TSPEAR: variants seen among roughly 807,000 people sequenced by gnomAD.
TSPEAR encodes the protein thrombospondin-type laminin G domain and EAR repeat-containing protein.
A neutral mutation model predicts 71.6 loss-of-function variants in TSPEAR; 69 were observed. The ratio of observed to expected loss-of-function variants is 0.96; its 90% CI spans 0.79 to 1.18. The LOEUF (loss-of-function observed/expected upper bound fraction) is 1.18, where lower values mean the gene tolerates loss of function less well. Ranked by LOEUF, TSPEAR falls within the 50% of genes most tolerant of loss-of-function variation. TSPEAR has a pLI of 0.00. For missense variants in TSPEAR, 971 were observed against 894.9 expected (o/e 1.09, Z -1.09); for synonymous variants, 402 against 387.2 (o/e 1.04, Z -0.45).
In TSPEAR at chr21:44,558,695, G is replaced by A. The variant is rs201902293; in HGVS notation, c.303+9090C>T. ...AGTCAGAGTAAGCGCTGGAGCAGAC[G>A]GACATGGTAGACGTGGCCATGCTGG... On this transcript the variant is annotated intron_variant, in intron 2 of 11. Coordinates refer to ENST00000323084, the MANE Select transcript of TSPEAR (RefSeq NM_144991.3). 294 of 1,607,416 alleles carry A rather than the reference G, an allele frequency of 1.8e-4. 2 individuals carry two copies. In the East Asian group the frequency reaches 3.5e-3, roughly 19 times the overall value.
intron 1 of TSPEAR, among the ~76,000 whole-genome samples, chr21:44,604,571 C>T (rs1485968256): frequency 6.6e-6 from 1 of 152,126 alleles, no homozygotes; most frequent in Non-Finnish European, 1.5e-5. Flanking sequence ...CTATTCAGTA[C>T]CTTTTATTTC....
intron 1 of TSPEAR, chr21:44,666,289 A>T: frequency 1.0e-6 from 1 of 956,892 alleles, no homozygotes; most frequent in Non-Finnish European, 1.5e-6. Flanking sequence ...CAAGGGCTCC[A>T]GATCATTCTG....
rs782253077 is a variant in TSPEAR at position 44,677,679 on chromosome 21, G to T, written c.82+33754C>A. On this transcript the variant is annotated intron_variant, in intron 1 of 11. Coordinates refer to ENST00000323084, the MANE Select transcript of TSPEAR (RefSeq NM_144991.3). ...TGTATCACCTGCGGTTGCTGAAGCT[G>T]GAGTATCTCCCTTTTGTTTTTGGAG... is the stretch of plus-strand genomic sequence containing the variant. The T allele has an allele frequency of 3.5e-5, 50 of 1,408,642 alleles. No individual in the cohort carries two copies. In the Middle Eastern group the frequency reaches 5.8e-4, roughly 16 times the overall value. 87.3% of individuals were successfully genotyped at this position (1,408,642 alleles called of 1,614,324 possible).
intron 8 of TSPEAR, among the ~76,000 whole-genome samples, chr21:44,524,356 C>CAGTCAGGTAGCT (rs2052803221): frequency 6.6e-6 from 1 of 151,946 alleles, no homozygotes; most frequent in Non-Finnish European, 1.5e-5. Flanking sequence ...ATGAGTTAGC[C>CAGTCAGGTAGCT]AGTCAGGTAG....
At chr21:44,702,130 A>T in intron 1 of TSPEAR, 1 of 1,177,636 alleles carries the variant, frequency 8.5e-7, no homozygotes, top group Non-Finnish European at 1.2e-6. Context: ...CAGCGTCCAC[A>T]TGAGCACAGG....
chr21:44,633,397 C>T (rs1983364980), intron 1 of TSPEAR, among the ~76,000 whole-genome samples: 1 of 152,046 alleles, frequency 6.6e-6, no homozygotes, highest in South Asian at 2.1e-4. Flanking sequence ...AACTGTTTTG[C>T]CGTATCCCAT....
At chr21:44,677,141 T>C (rs1555947009) in intron 1 of TSPEAR, 2 of 714,670 alleles carry the variant, frequency 2.8e-6, no homozygotes, top group African/African-American at 1.7e-5. Flanking sequence ...TCAACTATCA[T>C]GTTGTGAAGT....
intron 10 of TSPEAR, among the ~76,000 whole-genome samples, chr21:44,505,913 A>T (rs1186924530): frequency 1.3e-5 from 2 of 152,158 alleles, no homozygotes; most frequent in African/African-American, 4.8e-5. Context: ...CAATCAGAGA[A>T]AAAGTCTCAG....
chr21:44,628,285 G>A (rs1264561135), intron 1 of TSPEAR: 2 of 391,568 alleles, frequency 5.1e-6, no homozygotes, highest in Non-Finnish European at 9.5e-6. Context: ...CCCTCCGCTG[G>A]TCGCTGGTTG....
chr21:44,666,427 C>T (rs142306123), intron 1 of TSPEAR: 80 of 1,562,746 alleles, frequency 5.1e-5, no homozygotes, highest in Non-Finnish European at 5.9e-5. Context: ...CTGGGAGCAG[C>T]GGGTCTGGAG....
In TSPEAR at chr21:44,558,133, C is replaced by G. The variant is rs587674426; in HGVS notation, c.303+9652G>C. On this transcript the variant is annotated intron_variant, in intron 2 of 11. Coordinates refer to ENST00000323084, the MANE Select transcript of TSPEAR (RefSeq NM_144991.3). ...CACGTGGGGCGGCAGAGGAGGGACA[C>G]GCAGGAGGCCGGGCGGCAGCAGCTG... is the stretch of plus-strand genomic sequence containing the variant. The G allele has an allele frequency of 1.3e-4, 214 of 1,613,020 alleles. No individual in the cohort carries two copies. The South Asian group carries it at 1.9e-3, about 15-fold the overall frequency.
At chr21:44,553,573 C>T (rs1376875795) in intron 2 of TSPEAR, among the ~76,000 whole-genome samples, 1 of 151,598 alleles carries the variant, frequency 6.6e-6, no homozygotes, top group Non-Finnish European at 1.5e-5. Context: ...TTAGCTGAGA[C>T]AAAACCTGAA....
chr21:44,638,110 C>T lies in TSPEAR; in HGVS notation c.83-70105G>A, dbSNP rs782232975. The T allele has an allele frequency of 2.5e-6, 4 of 1,613,382 alleles. No homozygotes were observed. The Admixed American group carries it at 5.0e-5, about 20-fold the overall frequency. On this transcript the variant is annotated intron_variant, in intron 1 of 11. Transcript: ENST00000323084. ...CGGCCTCCTGTGTTTCCCTCCTCTG[C>T]CGCCCCGTGTGCTCCCGCCCTGCCT...
chr21:44,670,857 A>G (rs1317636445), intron 1 of TSPEAR, among the ~76,000 whole-genome samples: 1 of 152,154 alleles, frequency 6.6e-6, no homozygotes, highest in African/African-American at 2.4e-5. Context: ...CGAATCCCAC[A>G]ACCCCCACCA....
Position 44,681,260 on chromosome 21 carries a change from G to T in TSPEAR, c.82+30173C>A, listed in dbSNP as rs146298749. ...ATCCACCAACCACATGGGAAAGCCC[G>T]ATCCTCAGTGCTCTGAGGCTTTGGC... On this transcript the variant is annotated intron_variant, in intron 1 of 11. Coordinates refer to ENST00000323084, the MANE Select transcript of TSPEAR (RefSeq NM_144991.3). Among the ~76,000 whole-genome samples, 66 of 152,358 alleles carry T rather than the reference G, an allele frequency of 4.3e-4. 1 individual carries two copies. The East Asian group carries it at 0.012, about 28-fold the overall frequency.
chr21:44,705,261 C>T (rs1380179746), intron 1 of TSPEAR, among the ~76,000 whole-genome samples: 1 of 152,214 alleles, frequency 6.6e-6, no homozygotes, highest in African/African-American at 2.4e-5. Context: ...ATCTCTTAAT[C>T]CTGTCAGTTG....
chr21:44,703,619 C>T (rs1449106268), intron 1 of TSPEAR, among the ~76,000 whole-genome samples: 2 of 152,226 alleles, frequency 1.3e-5, no homozygotes, highest in Non-Finnish European at 2.9e-5. Context: ...CCAACGCCTT[C>T]TGTTTGTGCT....
intron 1 of TSPEAR, among the ~76,000 whole-genome samples, chr21:44,700,257 G>A (rs1371334439): frequency 6.6e-6 from 1 of 152,252 alleles, no homozygotes; most frequent in Non-Finnish European, 1.5e-5. Flanking sequence ...CAGGAAGGCT[G>A]GAGAGCAGGA....
chr21:44,555,071 G>A (rs2053504117), intron 2 of TSPEAR, among the ~76,000 whole-genome samples: 2 of 152,148 alleles, frequency 1.3e-5, no homozygotes, highest in African/African-American at 4.8e-5. Flanking sequence ...GCAAATAAAA[G>A]TAGAAGAGAA....
Sources: gnomAD v4.1 joint callset for allele counts (sites outside exome capture counted in the v4.1 genomes callset) on GRCh38, gnomAD v4.1.1 for gene constraint, MANE v1.5 for transcripts, NCBI Gene and HGNC (gene_info 2026-07-23, HGNC 2026-07-21) for gene names.